KIF26B: variants seen among roughly 807,000 people sequenced by gnomAD.
KIF26B encodes kinesin family member 26B.
KIF26B carries 63 observed loss-of-function variants against 151.2 expected under a neutral mutation model. That is an observed-to-expected ratio of 0.42 (90% CI 0.34 to 0.51). KIF26B has a LOEUF of 0.51. Ranked by LOEUF, KIF26B falls within the 20% of genes least tolerant of loss-of-function variation. The pLI is 0.07. For missense variants in KIF26B, 2,813 were observed against 2,913.6 expected (o/e 0.97, Z 0.79); for synonymous variants, 1,357 against 1,262.1 (o/e 1.08, Z -1.59).
At chr1:245,370,920 C>T (rs1255167498) in intron 3 of KIF26B, among the ~76,000 whole-genome samples, 1 of 152,298 alleles carries the variant, frequency 6.6e-6, no homozygotes, top group Admixed American at 6.5e-5. Context: ...GGGCTGGAAA[C>T]CCTGGTTCCT....
At chr1:245,436,890 C>CTT (rs539810099) in intron 4 of KIF26B, among the ~76,000 whole-genome samples, 53,559 of 122,146 alleles carry the variant, frequency 0.44, 14,209 homozygotes, top group South Asian at 0.61. Flanking sequence ...TTCTCCCTCT[C>CTT]TTTTTTTTTT....
intron 5 of KIF26B, among the ~76,000 whole-genome samples, chr1:245,593,829 A>C (rs544346576): frequency 1.3e-5 from 2 of 152,218 alleles, no homozygotes; most frequent in Non-Finnish European, 2.9e-5. Flanking sequence ...CCTCTCCAGC[A>C]TCTGTTGTTT....
chr1:245,499,029 A>G (rs371124212), intron 4 of KIF26B, among the ~76,000 whole-genome samples: 1 of 152,222 alleles, frequency 6.6e-6, no homozygotes, highest in African/African-American at 2.4e-5. Context: ...CGGTTGCCAG[A>G]CTAGTGTGAC....
chr1:245,517,700 G>A (rs11588562), intron 4 of KIF26B, among the ~76,000 whole-genome samples: 32,094 of 151,924 alleles, frequency 0.21, 4,177 homozygotes, highest in East Asian at 0.49. Context: ...CTGCTAGCAC[G>A]GAACATATGG....
At chr1:245,280,537 A>AAAAAAAAAAAAAAAAG (rs752454576) in intron 2 of KIF26B, among the ~76,000 whole-genome samples, 13 of 123,660 alleles carry the variant, frequency 1.1e-4, no homozygotes, top group African/African-American at 1.7e-4. Flanking sequence ...TCTCAAAAAA[A>AAAAAAAAAAAAAAAAG]AAAAGAAAAG....
At chr1:245,158,088 A>G (rs918965078) in intron 2 of KIF26B, among the ~76,000 whole-genome samples, 5 of 152,162 alleles carry the variant, frequency 3.3e-5, no homozygotes, top group Admixed American at 6.5e-5. Flanking sequence ...AGGTTGTTGA[A>G]CTGGATGGGA....
rs1271636213 is a variant in KIF26B at position 245,493,180 on chromosome 1, G to T, written c.1167-47587G>T. 2.0e-5 allele frequency among the ~76,000 whole-genome samples: 3 copies of T among 152,072 alleles called. No individual in the cohort carries two copies. The East Asian group carries it at 5.8e-4, about 29-fold the overall frequency. On this transcript the variant is annotated intron_variant, in intron 4 of 14. Transcript: ENST00000407071. Reference sequence around the variant, plus strand: ...TTTTGTAAACTTGATGAAAAGCCACGCCCCTATCCTTTTAGGCAATCCTAC... The same window carrying T: ...TTTTGTAAACTTGATGAAAAGCCACTCCCCTATCCTTTTAGGCAATCCTAC...
At chr1:245,544,002 C>T (rs1351341770) in intron 5 of KIF26B, among the ~76,000 whole-genome samples, 1 of 152,042 alleles carries the variant, frequency 6.6e-6, no homozygotes, top group African/African-American at 2.4e-5. Flanking sequence ...CCTGCCTCTT[C>T]CTGCACAGAG....
intron 2 of KIF26B, among the ~76,000 whole-genome samples, chr1:245,253,518 G>A (rs1193139433): frequency 6.6e-6 from 1 of 151,938 alleles, no homozygotes; most frequent in African/African-American, 2.4e-5. Flanking sequence ...CCTTCATTTA[G>A]TTTGGTTTCA....
chr1:245,393,967 A>G (rs1673761330), intron 3 of KIF26B, among the ~76,000 whole-genome samples: 1 of 152,160 alleles, frequency 6.6e-6, no homozygotes, highest in South Asian at 2.1e-4. Context: ...TGCTTCTTAA[A>G]CAGAATTGCA....
At chr1:245,342,865 C>G (rs916660106) in intron 2 of KIF26B, among the ~76,000 whole-genome samples, 2 of 152,060 alleles carry the variant, frequency 1.3e-5, no homozygotes, top group Admixed American at 1.3e-4. Context: ...GGTGGCAGAT[C>G]GCCTGAGGTC....
At chr1:245,447,171 G>T (rs1009693216) in intron 4 of KIF26B, among the ~76,000 whole-genome samples, 2 of 152,192 alleles carry the variant, frequency 1.3e-5, no homozygotes, top group Non-Finnish European at 2.9e-5. Flanking sequence ...GCTTGCTGCT[G>T]CTGTGGTGCC....
intron 5 of KIF26B, among the ~76,000 whole-genome samples, chr1:245,587,136 C>T (rs2043236671): frequency 6.6e-6 from 1 of 152,184 alleles, no homozygotes; most frequent in South Asian, 2.1e-4. Flanking sequence ...TGCACCTTGG[C>T]CATGCTGCCC....
intron 9 of KIF26B, among the ~76,000 whole-genome samples, chr1:245,638,121 C>A (rs960375034): frequency 1.3e-5 from 2 of 151,702 alleles, no homozygotes; most frequent in African/African-American, 4.8e-5. Flanking sequence ...AATATTAATT[C>A]TTCTTTGAGC....
chr1:245,243,130 T>A (rs917560845), intron 2 of KIF26B, among the ~76,000 whole-genome samples: 4 of 152,190 alleles, frequency 2.6e-5, no homozygotes, highest in Non-Finnish European at 5.9e-5. Context: ...TGTCTTCAAC[T>A]TTACAACTTA....
In KIF26B at chr1:245,707,323, C is replaced by A. The variant is rs966647597; in HGVS notation, c.*4717C>A. ...AGGTCCACACGTGTGGAGGCGAGTA[C>A]TGAAATACCACACTCACACATCTAT... is the stretch of plus-strand genomic sequence containing the variant. On this transcript the variant is annotated 3_prime_UTR_variant, in exon 15 of 15. Coordinates refer to ENST00000407071, the MANE Select transcript of KIF26B (RefSeq NM_018012.4). 6.6e-6 allele frequency: 1 copy of A among 152,170 alleles called. No homozygotes were observed. The highest frequency in any genetic ancestry group is 1.5e-5 in the Non-Finnish European group (1 of 68,032). 9.4% of individuals were successfully genotyped at this position (152,170 alleles called of 1,614,324 possible).
intron 2 of KIF26B, among the ~76,000 whole-genome samples, chr1:245,258,625 C>T (rs758455017): frequency 2.0e-5 from 3 of 152,108 alleles, no homozygotes; most frequent in Admixed American, 6.6e-5. Context: ...ACCTGCTCTG[C>T]GTGGAGCTGT....
intron 9 of KIF26B, among the ~76,000 whole-genome samples, chr1:245,621,243 C>T (rs949886386): frequency 6.6e-6 from 1 of 152,162 alleles, no homozygotes; most frequent in Non-Finnish European, 1.5e-5. Context: ...CTTCTGCATG[C>T]TTTCTGGTTA....
At chr1:245,418,057 C>T (rs1030375329) in intron 3 of KIF26B, among the ~76,000 whole-genome samples, 1 of 152,160 alleles carries the variant, frequency 6.6e-6, no homozygotes, top group African/African-American at 2.4e-5. Flanking sequence ...TGATGCGCGC[C>T]CTGGAGCTTC....
Sources: allele counts gnomAD v4.1 joint callset (sites outside exome capture counted in the v4.1 genomes callset), GRCh38; gene constraint gnomAD v4.1.1; transcripts MANE v1.5; gene names NCBI Gene and HGNC (gene_info 2026-07-23, HGNC 2026-07-21).